Variants in PPP2R3A observed in about 807,000 individuals in gnomAD.
PPP2R3A encodes protein phosphatase 2 regulatory subunit B''alpha.
In PPP2R3A, 80 loss-of-function variants were observed where a neutral mutation model predicts 106.9. The observed-to-expected ratio is 0.75, with a 90% CI of 0.62 to 0.90. The LOEUF (loss-of-function observed/expected upper bound fraction) is 0.90. Among genes scored for constraint, PPP2R3A ranks in the 40% least tolerant of loss-of-function variants. The probability of loss-of-function intolerance (pLI) is 0.00; values close to 1 mark genes in which losing one functional copy is unlikely to be tolerated. For missense variants in PPP2R3A, 1,386 were observed against 1,350.4 expected (o/e 1.03, Z -0.41); for synonymous variants, 483 against 468.3 (o/e 1.03, Z -0.41).
chr3:136,091,159 T>C (rs1034752029), intron 10 of PPP2R3A, among the ~76,000 whole-genome samples: 2 of 152,212 alleles, frequency 1.3e-5, no homozygotes, highest in Non-Finnish European at 2.9e-5. Flanking sequence ...ATGTCTTGTT[T>C]AGGCAAAAAA....
At chr3:135,970,873 G>A (rs904579469) in intron 1 of PPP2R3A, among the ~76,000 whole-genome samples, 1 of 152,104 alleles carries the variant, frequency 6.6e-6, no homozygotes, top group African/African-American at 2.4e-5. Flanking sequence ...TTTTTACTGA[G>A]AAGAAATTTT....
At chr3:135,995,128 C>G (rs539447709) in intron 1 of PPP2R3A, among the ~76,000 whole-genome samples, 4 of 152,252 alleles carry the variant, frequency 2.6e-5, no homozygotes, top group African/African-American at 9.6e-5. Context: ...GACTCTGGCC[C>G]TTTGTGGAGA....
chr3:136,015,137 G>A (rs1934226414), intron 2 of PPP2R3A, among the ~76,000 whole-genome samples: 1 of 152,030 alleles, frequency 6.6e-6, no homozygotes, highest in Non-Finnish European at 1.5e-5. Context: ...TTATTGACTT[G>A]TGTATATTAA....
chr3:136,090,770 ATACTAAGATGAAT>A (rs1937076332), intron 10 of PPP2R3A, 103 bp downstream of exon 10: 6 of 834,346 alleles, frequency 7.2e-6, no homozygotes, highest in Non-Finnish European at 1.2e-5. Context: ...CAACGTGGCA[ATACTAAGATGAAT>A]TAGACTTAGT....
chr3:136,055,878 C>T (rs1935843619), intron 5 of PPP2R3A: 1 of 417,608 alleles, frequency 2.4e-6, no homozygotes, highest in Non-Finnish European at 4.3e-6. Context: ...AAGAGGGGAG[C>T]GTAAATCACC....
intron 2 of PPP2R3A, among the ~76,000 whole-genome samples, chr3:136,016,213 C>T (rs1934262246): frequency 6.6e-6 from 1 of 151,812 alleles, no homozygotes; most frequent in South Asian, 2.1e-4. Flanking sequence ...TCTTAAGTTA[C>T]TGAGACTTGT....
chr3:136,121,577 A>G (rs1274349501), intron 13 of PPP2R3A, among the ~76,000 whole-genome samples: 1 of 152,198 alleles, frequency 6.6e-6, no homozygotes. Flanking sequence ...TACCCCTTGA[A>G]TCTAAAATAA....
At chr3:136,105,778 A>AT (rs1342477287) in intron 12 of PPP2R3A, among the ~76,000 whole-genome samples, 1 of 152,148 alleles carries the variant, frequency 6.6e-6, no homozygotes, top group East Asian at 1.9e-4. Context: ...CCTGGCCAAC[A>AT]TGGCGAAACC....
rs183407994 is a variant in PPP2R3A, at chr3:135,983,373, C to T, written c.-441+17524C>T. ...AAATTGTGATGGCTTTCTGACTCAT[C>T]TGCGTCTGCTTCCCTGATTCATCAC... On this transcript the variant is annotated intron_variant, in intron 1 of 13. Transcript: ENST00000264977. Among the ~76,000 whole-genome samples, 62 of 152,308 alleles carry T rather than the reference C, an allele frequency of 4.1e-4. 1 individual carries two copies. The highest frequency in any genetic ancestry group is 1.3e-3 in the African/African-American group (56 of 41,584).
chr3:136,087,099 G>A (rs1351256391), intron 8 of PPP2R3A, among the ~76,000 whole-genome samples: 3 of 152,150 alleles, frequency 2.0e-5, no homozygotes, highest in Non-Finnish European at 4.4e-5. Flanking sequence ...AGCTACTTGG[G>A]AAGCTGAGGC....
intron 1 of PPP2R3A, among the ~76,000 whole-genome samples, chr3:135,967,000 T>G (rs1354912673): frequency 6.6e-6 from 1 of 150,912 alleles, no homozygotes; most frequent in Non-Finnish European, 1.5e-5. Flanking sequence ...AAAACTGTTG[T>G]TTTTTTTTCT....
intron 13 of PPP2R3A, among the ~76,000 whole-genome samples, chr3:136,134,074 T>C (rs1477153848): frequency 2.6e-5 from 4 of 152,140 alleles, no homozygotes; most frequent in Non-Finnish European, 5.9e-5. Flanking sequence ...TCAATAAATG[T>C]TTGCATTACT....
intron 5 of PPP2R3A, among the ~76,000 whole-genome samples, chr3:136,066,742 G>T (rs905657723): frequency 6.6e-5 from 10 of 151,960 alleles, no homozygotes; most frequent in Non-Finnish European, 4.4e-5. Context: ...CTCGAGGACC[G>T]CACCAAGAGG....
intron 13 of PPP2R3A, among the ~76,000 whole-genome samples, chr3:136,140,708 A>G (rs1046820553): frequency 1.3e-5 from 2 of 150,172 alleles, no homozygotes; most frequent in African/African-American, 4.9e-5. Context: ...AGATCGCGCC[A>G]CTGCACTCCA....
chr3:136,075,623 AAGAAG>A (rs1936569896), intron 6 of PPP2R3A, among the ~76,000 whole-genome samples: 1 of 152,222 alleles, frequency 6.6e-6, no homozygotes, highest in African/African-American at 2.4e-5. Flanking sequence ...AAAATTCAAA[AAGAAG>A]AGGAGAAAAA....
intron 5 of PPP2R3A, among the ~76,000 whole-genome samples, chr3:136,058,589 CA>C (rs1935961891): frequency 6.6e-6 from 1 of 151,976 alleles, no homozygotes; most frequent in Non-Finnish European, 1.5e-5. Flanking sequence ...CCATATTGTC[CA>C]AAGCAATTTA....
At chr3:136,142,028 A>G (rs1056941327) in intron 13 of PPP2R3A, among the ~76,000 whole-genome samples, 3 of 152,196 alleles carry the variant, frequency 2.0e-5, no homozygotes, top group African/African-American at 7.2e-5. Flanking sequence ...CCATCTATAT[A>G]GTAGGCAGCT....
chr3:135,990,974 T>A (rs913287395), intron 1 of PPP2R3A, among the ~76,000 whole-genome samples: 1 of 152,130 alleles, frequency 6.6e-6, no homozygotes, highest in Non-Finnish European at 1.5e-5. Context: ...GTCTTCAAAC[T>A]TGAGACTCAA....
chr3:136,106,368 G>T (rs749142269), intron 13 of PPP2R3A, 46 bp downstream of exon 13: 4 of 1,508,784 alleles, frequency 2.7e-6, no homozygotes, highest in Middle Eastern at 1.7e-4. Context: ...ACAGGAATGC[G>T]CATGTCCAGA....
Sources: gnomAD v4.1 joint callset for allele counts (sites outside exome capture counted in the v4.1 genomes callset) on GRCh38, gnomAD v4.1.1 for gene constraint, MANE v1.5 for transcripts, NCBI Gene and HGNC (gene_info 2026-07-23, HGNC 2026-07-21) for gene names.